APOO: variants seen among roughly 807,000 people sequenced by gnomAD.
The protein encoded by APOO is apolipoprotein O, also known as MICOS complex subunit MIC26.
APOO carries 11 observed loss-of-function variants against 23.1 expected under a neutral mutation model. The observed-to-expected ratio is 0.48, with a 90% confidence interval of 0.30 to 0.79. APOO has a LOEUF of 0.79. APOO is among the 30% of genes least tolerant of loss of function. The pLI, the probability that APOO is intolerant of heterozygous loss-of-function variation, is 0.07. For missense variants in APOO, 160 were observed against 142.7 expected, an observed-to-expected ratio of 1.12 and a Z score of -0.62; for synonymous variants, 59 against 54.8, an observed-to-expected ratio of 1.08 and a Z score of -0.34.
intron 7 of APOO, among the ~76,000 whole-genome samples, chrX:23,848,505 A>C (rs929038099): frequency 1.8e-5 from 2 of 111,593 alleles, no homozygotes; most frequent in African/African-American, 6.5e-5. Flanking sequence ...TTCTGAGGAA[A>C]GGGAATGAAT....
chrX:23,879,001 T>C lies in APOO; in HGVS notation c.151A>G (p.Lys51Glu), dbSNP rs371968593. 4.0e-5 allele frequency: 49 copies of C among 1,211,537 alleles called. No individual in the cohort carries two copies. The highest frequency in any genetic ancestry group is 5.2e-5 in the Non-Finnish European group (47 of 895,244). ...TGGCTCCTTGCCTCCTCCACATACT[T>C]CGATTGACCCTCAGGAACTGAGTAG... ...SLYSVPEGQS[K>E]YVEEARSQLE... The change falls in exon 3 of 9, where the codon AAG becomes GAG. Residue 51 changes from lysine (K) to glutamate (E), a missense_variant. Coordinates refer to ENST00000379226, the MANE Select transcript of APOO (RefSeq NM_024122.5).
chrX:23,907,549 G>T (rs1244661397), intron 1 of APOO, 145 bp downstream of exon 1: 12 of 609,733 alleles, frequency 2.0e-5, no homozygotes, highest in Non-Finnish European at 2.6e-5. Flanking sequence ...AATGAACCGC[G>T]GGGCCGGGAC....
At chrX:23,840,556 C>T (rs1923920623) in intron 7 of APOO, 179 bp from the exon 8 acceptor site, 4 of 336,065 alleles carry the variant, frequency 1.2e-5, no homozygotes, top group Non-Finnish European at 1.6e-5. Context: ...AATGAGATCC[C>T]ACATTCTCGC....
At chrX:23,885,128 G>A (rs1326624589) in intron 1 of APOO, among the ~76,000 whole-genome samples, 1 of 109,942 alleles carries the variant, frequency 9.1e-6, no homozygotes, top group South Asian at 3.8e-4. Flanking sequence ...GCCGGGTGCG[G>A]TGGCTCACGT....
At chrX:23,906,940 C>T (rs1207229157) in intron 1 of APOO, among the ~76,000 whole-genome samples, 1 of 112,507 alleles carries the variant, frequency 8.9e-6, no homozygotes, top group Non-Finnish European at 1.9e-5. Flanking sequence ...TCTGAGATTT[C>T]ATTAGCACTA....
chrX:23,849,125 C>T (rs1221945218), intron 7 of APOO, among the ~76,000 whole-genome samples: 1 of 108,822 alleles, frequency 9.2e-6, no homozygotes, highest in Non-Finnish European at 1.9e-5. Context: ...TTTAGTAGAG[C>T]TGGGGTTTCA....
intron 1 of APOO, among the ~76,000 whole-genome samples, chrX:23,888,849 CAAAAAAAAAA>C (rs11338273): frequency 2.4e-5 from 1 of 41,286 alleles, no homozygotes; most frequent in Non-Finnish European, 4.1e-5. Flanking sequence ...GATTTCATCT[CAAAAAAAAAA>C]AAAAAAAAAA....
At chrX:23,861,996 GT>G (rs921294368) in intron 5 of APOO, among the ~76,000 whole-genome samples, 1 of 109,364 alleles carries the variant, frequency 9.1e-6, no homozygotes, top group Non-Finnish European at 1.9e-5. Context: ...TAGAGATGGG[GT>G]TTTCCCATGT....
At chrX:23,855,497 T>TA (rs1393599285) in intron 7 of APOO, among the ~76,000 whole-genome samples, 5 of 110,481 alleles carry the variant, frequency 4.5e-5, no homozygotes, top group African/African-American at 1.6e-4. Context: ...TATTTTTTTT[T>TA]AAAAAGTATT....
chrX:23,895,841 A>C (rs992993558), intron 1 of APOO, among the ~76,000 whole-genome samples: 2 of 109,429 alleles, frequency 1.8e-5, no homozygotes, highest in Non-Finnish European at 3.8e-5. Flanking sequence ...ACTAAAAAAA[A>C]AAGAAGAAGA....
At chrX:23,837,222 G>T (rs1385964672) in intron 8 of APOO, 6 of 870,711 alleles carry the variant, frequency 6.9e-6, no homozygotes, top group Non-Finnish European at 9.8e-6. Context: ...CCCTCCGCAG[G>T]GTTCCTCTGG....
chrX:23,875,907 G>A (rs753241322), intron 3 of APOO, among the ~76,000 whole-genome samples: 1 of 110,116 alleles, frequency 9.1e-6, no homozygotes, highest in African/African-American at 3.3e-5. Flanking sequence ...GGAGTATCTC[G>A]TGAGGTCAGG....
At chrX:23,872,339 G>C (rs1330529309) in intron 4 of APOO, among the ~76,000 whole-genome samples, 1 of 110,347 alleles carries the variant, frequency 9.1e-6, no homozygotes, top group East Asian at 2.8e-4. Context: ...TGAGGCTGCA[G>C]TGAGCTATGA....
chrX:23,874,336 G>T, intron 4 of APOO, 67 bp downstream of exon 4: 1 of 938,017 alleles, frequency 1.1e-6, no homozygotes, highest in Non-Finnish European at 1.5e-6. Flanking sequence ...GCTCATTCAT[G>T]GAACTCCGAT....
intron 1 of APOO, among the ~76,000 whole-genome samples, chrX:23,898,535 T>C (rs776502785): frequency 8.9e-6 from 1 of 111,806 alleles, no homozygotes; most frequent in South Asian, 3.7e-4. Flanking sequence ...TGTAAGCCTT[T>C]TTTGGAAAAA....
chrX:23,888,954 A>C (rs2147033780), intron 1 of APOO, among the ~76,000 whole-genome samples: 1 of 103,765 alleles, frequency 9.6e-6, no homozygotes, highest in South Asian at 4.6e-4. Context: ...AGCCTGGGCA[A>C]CATAACAAGA....
At chrX:23,864,072 T>G (rs1925228008) in intron 5 of APOO, among the ~76,000 whole-genome samples, 2 of 108,052 alleles carry the variant, frequency 1.9e-5, no homozygotes, top group African/African-American at 6.8e-5. Flanking sequence ...CTCGGCTCAC[T>G]GCAATCTCCA....
chrX:23,870,371 T>G (rs772888057), intron 4 of APOO, among the ~76,000 whole-genome samples: 52 of 111,934 alleles, frequency 4.6e-4, no homozygotes, highest in African/African-American at 1.4e-3. Flanking sequence ...TGTGTTTAAT[T>G]ATTCAGGTGT....
intron 8 of APOO, chrX:23,837,380 A>G: frequency 1.4e-6 from 1 of 722,685 alleles, no homozygotes. Context: ...TATAATTACA[A>G]TTATATGCCT....
Sources: allele counts gnomAD v4.1 joint callset (sites outside exome capture counted in the v4.1 genomes callset), GRCh38; gene constraint gnomAD v4.1.1; transcripts MANE v1.5; gene names NCBI Gene and HGNC (gene_info 2026-07-23, HGNC 2026-07-21).